SLC6A12: variants seen among roughly 807,000 people sequenced by gnomAD.
SLC6A12 encodes the protein sodium- and chloride-dependent betaine transporter.
A neutral mutation model predicts 73.3 loss-of-function variants in SLC6A12; 50 were observed. The observed-to-expected ratio is 0.68, with a 90% CI of 0.54 to 0.86. The LOEUF is 0.86. SLC6A12 is among the 40% of genes least tolerant of loss of function. The probability of loss-of-function intolerance (pLI) is 0.00; values close to 1 mark genes in which losing one functional copy is unlikely to be tolerated. For missense variants in SLC6A12, 648 were observed against 772.8 expected (o/e 0.84, Z 1.92); for synonymous variants, 304 against 309.2 (o/e 0.98, Z 0.18).
rs1355293761 is a variant in SLC6A12, at chr12:190,921, T to C, written c.*147A>G. 3.9e-5 allele frequency: 22 copies of C among 557,372 alleles called. No homozygotes were observed. Among genetic ancestry groups the C allele is most frequent in the Non-Finnish European group, 5.9e-5 (22 of 371,634 alleles). 34.5% of individuals were successfully genotyped at this position (557,372 alleles called of 1,614,324 possible). A position where few individuals can be genotyped will look rare whatever the true frequency, so the allele number is the denominator to read the frequency against. ...CTCCAGCTAGCACAAGAGAGGAGTC[T>C]GGCCTCCAGCTGGGGGTGCCTGTGG... On this transcript the variant is annotated 3_prime_UTR_variant, in exon 16 of 16. Coordinates refer to ENST00000684302, the MANE Select transcript of SLC6A12 (RefSeq NM_001122848.3).
intron 4 of SLC6A12, 113 bp downstream of exon 4, chr12:204,451 A>G: frequency 9.4e-7 from 1 of 1,065,668 alleles, no homozygotes; most frequent in Non-Finnish European, 1.4e-6. Flanking sequence ...TTGGCGCAGG[A>G]TATGGGAGTG....
intron 2 of SLC6A12, 134 bp from the exon 3 acceptor site, chr12:210,177 GT>G: frequency 8.1e-7 from 1 of 1,237,952 alleles, no homozygotes; most frequent in Non-Finnish European, 1.1e-6. Context: ...TAAAGTTCCA[GT>G]TCGTTCTCGT....
At chr12:186,956 G>A (rs1939442067), downstream of SLC6A12, among the ~76,000 whole-genome samples, 1 of 152,078 alleles carries the variant, frequency 6.6e-6, no homozygotes, top group Non-Finnish European at 1.5e-5. Context: ...CCCTTGCGTC[G>A]CACCCAAGGG....
intron 3 of SLC6A12, 30 bp downstream of exon 3, chr12:209,743 C>T: frequency 6.2e-7 from 1 of 1,613,532 alleles, no homozygotes; most frequent in Non-Finnish European, 8.5e-7. Flanking sequence ...CACAGCTCTC[C>T]CCACCATGCC....
intron 6 of SLC6A12, chr12:201,406 G>A (rs575268177): frequency 2.0e-5 from 5 of 256,058 alleles, no homozygotes; most frequent in South Asian, 1.1e-4. Context: ...TCAAGCTACT[G>A]GCATGACACC....
downstream of SLC6A12, among the ~76,000 whole-genome samples, chr12:187,653 A>G (rs1939461148): frequency 1.4e-5 from 2 of 141,536 alleles, no homozygotes; most frequent in Admixed American, 7.3e-5. Context: ...CACAGCACCC[A>G]CTGCACACAA....
chr12:201,721 A>T, intron 6 of SLC6A12, 41 bp downstream of exon 6: 1 of 1,514,806 alleles, frequency 6.6e-7, no homozygotes, highest in Non-Finnish European at 9.2e-7. Context: ...TCAGACATCC[A>T]AATTTCCTCT....
chr12:191,015 G>A lies in SLC6A12; in HGVS notation c.*53C>T. Reference sequence around the variant, plus strand: ...AGAGGCTGTCCGCTGAGAATGGAGGGTGGCCCTGACCTAGGTTCCCGGCTT... The same window carrying A: ...AGAGGCTGTCCGCTGAGAATGGAGGATGGCCCTGACCTAGGTTCCCGGCTT... On this transcript the variant is annotated 3_prime_UTR_variant, in exon 16 of 16. Coordinates refer to ENST00000684302, the MANE Select transcript of SLC6A12 (RefSeq NM_001122848.3). 7.9e-7 allele frequency: 1 copy of A among 1,259,668 alleles called. No individual in the cohort carries two copies. The highest frequency in any genetic ancestry group is 1.0e-6 in the Non-Finnish European group (1 of 990,216). The allele number at this position is 1,259,668 out of a possible 1,614,324, so 78.0% of individuals were successfully genotyped here.
chr12:205,368 C>T (rs1940577419), intron 3 of SLC6A12, among the ~76,000 whole-genome samples: 1 of 152,154 alleles, frequency 6.6e-6, no homozygotes, highest in Non-Finnish European at 1.5e-5. Flanking sequence ...TGGATTATTG[C>T]GTGTTACACC....
downstream of SLC6A12, among the ~76,000 whole-genome samples, chr12:187,590 A>C (rs71447480): frequency 9.4e-3 from 36 of 3,850 alleles, no homozygotes; most frequent in Non-Finnish European, 0.063. Context: ...GCAAAAGAGC[A>C]AAAAAAAAAA....
chr12:211,122 C>T (rs1160249490), intron 2 of SLC6A12: 4 of 152,240 alleles, frequency 2.6e-5, no homozygotes, highest in Admixed American at 2.6e-4. Flanking sequence ...GCACCCATCC[C>T]GCAGCCCCTC....
At chr12:188,191 G>A (rs1181716246), downstream of SLC6A12, among the ~76,000 whole-genome samples, 1 of 152,334 alleles carries the variant, frequency 6.6e-6, no homozygotes, top group Admixed American at 6.5e-5. Context: ...GGGGAGGCTC[G>A]GGCCGCACAG....
Position 198,683 on chromosome 12 carries a change from C to CAG in SLC6A12, c.846+112_846+113dup. Reference sequence around the variant, plus strand: ...TCTTCCATATTTTCTAATTTATCTCCAGTGGGCATTTATTGCTTTTAAACC... The same window carrying CAG: ...TCTTCCATATTTTCTAATTTATCTCCAGAGTGGGCATTTATTGCTTTTAAACC... On this transcript the variant is annotated intron_variant, in intron 8 of 15. Coordinates refer to ENST00000684302, the MANE Select transcript of SLC6A12 (RefSeq NM_001122848.3). This position sits in a 1 kb window ranked among gnomAD's most constrained non-coding sequence, Gnocchi z 4.0. 1.3e-6 allele frequency: 1 copy of CAG among 781,732 alleles called. No individual in the cohort carries two copies. The highest frequency in any genetic ancestry group is 2.0e-6 in the Non-Finnish European group (1 of 499,514). The allele number at this position is 781,732 out of a possible 1,614,324, so 48.4% of individuals were successfully genotyped here.
chr12:205,944 A>C (rs548431652), intron 3 of SLC6A12, among the ~76,000 whole-genome samples: 2 of 152,328 alleles, frequency 1.3e-5, no homozygotes, highest in African/African-American at 4.8e-5. Flanking sequence ...TTCATCCGAA[A>C]CACTGTCATA....
At chr12:187,589 C>CAAAAGAGCAAAAAAAAAAAAAAAA (rs1939453849), downstream of SLC6A12, among the ~76,000 whole-genome samples, 2 of 106,070 alleles carry the variant, frequency 1.9e-5, no homozygotes, top group African/African-American at 1.1e-4. Context: ...TGCAAAAGAG[C>CAAAAGAGCAAAAAAAAAAAAAAAA]AAAAAAAAAA....
chr12:200,905 A>C (rs2137155050), intron 6 of SLC6A12, 122 bp from the exon 7 acceptor site: 3 of 948,600 alleles, frequency 3.2e-6, no homozygotes, highest in South Asian at 1.8e-5. Flanking sequence ...GGCTTCCCCC[A>C]CTCCCCACCT....
At chr12:202,930 CAA>C (rs1565474633) in intron 4 of SLC6A12, 50 bp from the exon 5 acceptor site, 1 of 1,566,418 alleles carries the variant, frequency 6.4e-7, no homozygotes, top group South Asian at 1.2e-5. Flanking sequence ...TCAATGTTAG[CAA>C]AAAAGTCACA....
Position 196,932 on chromosome 12 carries a change from T to G in SLC6A12, c.1076-50A>C, listed in dbSNP as rs201043364. 103 of 1,360,986 alleles carry G rather than the reference T, an allele frequency of 7.6e-5. No homozygotes were observed. The Admixed American group carries it at 8.9e-4, about 12-fold the overall frequency. 84.3% of individuals were successfully genotyped at this position (1,360,986 alleles called of 1,614,324 possible). A position where few individuals can be genotyped will look rare whatever the true frequency, so the allele number is the denominator to read the frequency against. On this transcript the variant is annotated intron_variant, in intron 10 of 15. Coordinates refer to ENST00000684302, the MANE Select transcript of SLC6A12 (RefSeq NM_001122848.3). ...GGAGGCTCCAGGGCGTGTGCTGCCC[T>G]TGGGGAAGAGGCGTCTCTCTAAGCA...
chr12:207,476 C>T (rs545874038), intron 3 of SLC6A12, among the ~76,000 whole-genome samples: 1 of 152,294 alleles, frequency 6.6e-6, no homozygotes, highest in South Asian at 2.1e-4. Flanking sequence ...CTCATTAGAC[C>T]AATAGTTTTA....
Sources: allele counts gnomAD v4.1 joint callset (sites outside exome capture counted in the v4.1 genomes callset), GRCh38; gene constraint gnomAD v4.1.1; non-coding constraint Gnocchi (gnomAD v3.1); transcripts MANE v1.5; gene names NCBI Gene and HGNC (gene_info 2026-07-23, HGNC 2026-07-21).